The following FGFR2 variants were observed in gnomAD, a reference collection of about 807,000 sequenced individuals.
FGFR2 encodes the protein fibroblast growth factor receptor 2.
In FGFR2, 19 loss-of-function variants were observed where a neutral mutation model predicts 95.9. The observed-to-expected ratio is 0.20, with a 90% CI of 0.14 to 0.29. The LOEUF (loss-of-function observed/expected upper bound fraction) is 0.29. Ranked by LOEUF, FGFR2 falls within the 10% of genes least tolerant of loss-of-function variation. FGFR2 has a pLI of 1.00. For missense variants in FGFR2, 707 were observed against 1,056.9 expected (o/e 0.67, Z 4.59); for synonymous variants, 392 against 393.3 (o/e 1.00, Z 0.04).
chr10:121,545,222 G>A (rs1356776727), intron 5 of FGFR2, among the ~76,000 whole-genome samples: 2 of 152,218 alleles, frequency 1.3e-5, no homozygotes, highest in East Asian at 1.9e-4. Context: ...GCTCTCAACT[G>A]TATACCATGG....
chr10:121,526,270 TAGCTTTTTTCTAA>T, intron 6 of FGFR2: 3 of 398,598 alleles, frequency 7.5e-6, no homozygotes, highest in Non-Finnish European at 1.3e-5. Context: ...AAAGCCTGCC[TAGCTTTTTTCTAA>T]AGAGTAGGCG....
chr10:121,570,210 T>C (rs1858420258), intron 2 of FGFR2, among the ~76,000 whole-genome samples: 1 of 152,252 alleles, frequency 6.6e-6, no homozygotes, highest in South Asian at 2.1e-4. Context: ...TGGGTCCATT[T>C]GCCGTCCACA....
At chr10:121,509,482 C>CTTTT (rs67778522) in intron 9 of FGFR2, among the ~76,000 whole-genome samples, 1,885 of 45,266 alleles carry the variant, frequency 0.042, 5 homozygotes, top group East Asian at 0.062. Context: ...TGTTTCTTTT[C>CTTTT]TTTTTTTTTT....
intron 13 of FGFR2, among the ~76,000 whole-genome samples, chr10:121,489,778 C>T (rs1205679799): frequency 2.0e-5 from 3 of 152,206 alleles, no homozygotes; most frequent in Non-Finnish European, 2.9e-5. Flanking sequence ...CCCATGTGTC[C>T]ACACCATGCC....
At chr10:121,519,628 T>G (rs1850206821) in intron 7 of FGFR2, among the ~76,000 whole-genome samples, 1 of 152,246 alleles carries the variant, frequency 6.6e-6, no homozygotes. Context: ...CCATCCCATT[T>G]ATTCTGCACA....
In FGFR2 at chr10:121,484,878, T is replaced by C. The variant is rs1238551621; in HGVS notation, c.2195+517A>G. On this transcript the variant is annotated intron_variant, in intron 16 of 17. Transcript: ENST00000358487. ...TGAGGAAATGTGGTTGGCGTCAATC[T>C]GTAATGGCAATTTTCAATGGTTCGA... Among the ~76,000 whole-genome samples the C allele has an allele frequency of 2.6e-5, 4 of 152,186 alleles. No individual in the cohort carries two copies. The South Asian group carries it at 8.3e-4, about 32-fold the overall frequency.
chr10:121,502,357 C>T (rs1387032288), intron 10 of FGFR2, among the ~76,000 whole-genome samples: 1 of 152,208 alleles, frequency 6.6e-6, no homozygotes, highest in Non-Finnish European at 1.5e-5. Context: ...ATTAACATGC[C>T]TTGAGTGAAT....
chr10:121,588,642 G>A (rs1862181842), intron 2 of FGFR2, among the ~76,000 whole-genome samples: 2 of 152,258 alleles, frequency 1.3e-5, no homozygotes, highest in Admixed American at 1.3e-4. Context: ...CTTAAGGCTA[G>A]GACAGGTGTG....
intron 16 of FGFR2, 50 bp from the exon 17 acceptor site, chr10:121,483,853 G>A (rs775912146): frequency 6.4e-6 from 9 of 1,406,928 alleles, no homozygotes; most frequent in Non-Finnish European, 9.0e-6. Flanking sequence ...CTGGGTACGT[G>A]GTTATAGTCA....
chr10:121,566,807 T>C (rs1178406070), intron 2 of FGFR2, among the ~76,000 whole-genome samples: 2 of 151,750 alleles, frequency 1.3e-5, no homozygotes. Context: ...ACCGACCCCA[T>C]CCTGCTTGGC....
intron 6 of FGFR2, chr10:121,538,346 TC>T: frequency 1.3e-6 from 1 of 786,582 alleles, no homozygotes; most frequent in Non-Finnish European, 2.4e-6. Context: ...TCATACCACG[TC>T]CACTTTACAC....
Position 121,517,585 on chromosome 10 carries a change from G to A in FGFR2, c.940-122C>T, listed in dbSNP as rs539005950. 6.3e-5 allele frequency: 70 copies of A among 1,105,812 alleles called. No homozygotes were observed. The East Asian group carries it at 7.4e-4, about 12-fold the overall frequency. 68.5% of individuals were successfully genotyped at this position (1,105,812 alleles called of 1,614,324 possible). A position where few individuals can be genotyped will look rare whatever the true frequency, so the allele number is the denominator to read the frequency against. ...GGGGTGCTGGCCACTGGGAGATTCC[G>A]ACTGCAGCCCATCCACAAAGCCCAC... On this transcript the variant is annotated intron_variant, in intron 7 of 17. Coordinates refer to ENST00000358487, the MANE Select transcript of FGFR2 (RefSeq NM_000141.5). The surrounding 1 kb of genome is among the most constrained non-coding windows in gnomAD (Gnocchi z 4.7).
At chr10:121,552,610 C>T (rs3135739) in intron 4 of FGFR2, among the ~76,000 whole-genome samples, 13,797 of 152,200 alleles carry the variant, frequency 0.091, 1,637 homozygotes, top group African/African-American at 0.27. Flanking sequence ...AGCTTCTCCA[C>T]GAGGTTGGAA....
At chr10:121,563,101 C>T (rs1857202354) in intron 4 of FGFR2, among the ~76,000 whole-genome samples, 2 of 152,110 alleles carry the variant, frequency 1.3e-5, no homozygotes, top group African/African-American at 4.8e-5. Flanking sequence ...TTAGGCTGGG[C>T]ACGGTGGCTG....
At chr10:121,589,779 T>C (rs533561379) in intron 2 of FGFR2, among the ~76,000 whole-genome samples, 173 of 152,364 alleles carry the variant, frequency 1.1e-3, no homozygotes, top group African/African-American at 3.5e-3. Context: ...TTTGGTTTAA[T>C]TGACCAAGAA....
intron 6 of FGFR2, among the ~76,000 whole-genome samples, chr10:121,528,442 A>G (rs1851670549): frequency 6.6e-6 from 1 of 152,230 alleles, no homozygotes; most frequent in Admixed American, 6.5e-5. Flanking sequence ...GTGCAGACAT[A>G]GAGGGATGTC....
chr10:121,543,407 G>A (rs41295747), intron 5 of FGFR2, among the ~76,000 whole-genome samples: 302 of 152,300 alleles, frequency 2.0e-3, no homozygotes, highest in African/African-American at 7.1e-3. Context: ...CTACTCAGGA[G>A]GCTGAGGCAA....
At position 121,518,651 on chromosome 10, in the gene FGFR2, T is replaced by A. The variant is rs771321024; in HGVS notation, c.940-1188A>T. ...CAGCTTCTATATCCAGCTTTCTTTT[T>A]AAAAAAAGACAAAAATGAAAGCATT... is the stretch of plus-strand genomic sequence containing the variant. On this transcript the variant is annotated intron_variant, in intron 7 of 17. Coordinates refer to ENST00000358487, the MANE Select transcript of FGFR2 (RefSeq NM_000141.5). This position sits in a 1 kb window ranked among gnomAD's most constrained non-coding sequence, Gnocchi z 4.0. 23 of 1,613,830 alleles carry A rather than the reference T, an allele frequency of 1.4e-5. 1 individual carries two copies. The highest frequency in any genetic ancestry group is 1.7e-5 in the Non-Finnish European group (20 of 1,179,990).
At chr10:121,588,273 G>A (rs1186558330) in intron 2 of FGFR2, among the ~76,000 whole-genome samples, 1 of 152,044 alleles carries the variant, frequency 6.6e-6, no homozygotes, top group Non-Finnish European at 1.5e-5. Context: ...AGAGAGAGGA[G>A]CAGAAAAAAT....
Sources: gnomAD v4.1 joint callset for allele counts (sites outside exome capture counted in the v4.1 genomes callset) on GRCh38, gnomAD v4.1.1 for gene constraint, Gnocchi (gnomAD v3.1) non-coding constraint, MANE v1.5 for transcripts, NCBI Gene and HGNC (gene_info 2026-07-23, HGNC 2026-07-21) for gene names.